Variants in HERC4 observed in about 807,000 individuals in gnomAD.
HERC4 encodes probable E3 ubiquitin-protein ligase HERC4.
In HERC4, 28 loss-of-function variants were observed where a neutral mutation model predicts 124.3. The ratio of observed to expected loss-of-function variants is 0.23; its 90% CI spans 0.17 to 0.31. The LOEUF (loss-of-function observed/expected upper bound fraction) is 0.31. Ranked by LOEUF, HERC4 falls within the 10% of genes least tolerant of loss-of-function variation. The pLI is 1.00. For missense variants in HERC4, 713 were observed against 1,229.3 expected, an observed-to-expected ratio of 0.58 and a Z score of 6.28; for synonymous variants, 407 against 421.5, an observed-to-expected ratio of 0.97 and a Z score of 0.42.
intron 9 of HERC4, chr10:68,010,837 T>C: frequency 6.5e-7 from 1 of 1,532,848 alleles, no homozygotes; most frequent in Non-Finnish European, 9.0e-7. Context: ...GCTTGGCAAA[T>C]TGCTCAAGTT....
intron 3 of HERC4, among the ~76,000 whole-genome samples, chr10:68,058,530 T>C (rs2040669409): frequency 6.6e-6 from 1 of 152,200 alleles, no homozygotes; most frequent in African/African-American, 2.4e-5. Context: ...GTTTTTCTTC[T>C]AGGCAAACAC....
In HERC4 at chr10:68,032,879, C is replaced by G; in HGVS notation, c.686-10G>C. Reference sequence around the variant, plus strand: ...TTAGGAACATACCTATCTGAAAATTCCAACAAGAGATGTTAATAGTATTTT... The same window carrying G: ...TTAGGAACATACCTATCTGAAAATTGCAACAAGAGATGTTAATAGTATTTT... On this transcript the variant is annotated splice_polypyrimidine_tract_variant and intron_variant, in intron 6 of 24. Transcript: ENST00000373700. The G allele has an allele frequency of 7.6e-7, 1 of 1,316,386 alleles. No homozygotes were observed. Among genetic ancestry groups the G allele is most frequent in the Non-Finnish European group, 1.1e-6 (1 of 909,016 alleles). The allele number at this position is 1,316,386 out of a possible 1,614,324, so 81.5% of individuals were successfully genotyped here.
chr10:68,059,633 A>ATTATATATC lies in HERC4; in HGVS notation c.226+13249_226+13250insGATATATAA, dbSNP rs1564608145. On this transcript the variant is annotated intron_variant, in intron 3 of 24. Coordinates refer to ENST00000373700, the MANE Select transcript of HERC4 (RefSeq NM_015601.4). ...TATATATCATAATATTATATATCATAATATTATATATTATATTATATATCA... is the reference window on the plus strand; with the variant it reads ...TATATATCATAATATTATATATCATATTATATATCATATTATATATTATATTATATATCA... Among the ~76,000 whole-genome samples, 9 of 83,866 alleles carry ATTATATATC rather than the reference A, an allele frequency of 1.1e-4. 1 individual carries two copies. The highest frequency in any genetic ancestry group is 5.6e-4 in the African/African-American group (8 of 14,402). 55.0% of individuals were successfully genotyped at this position (83,866 alleles called of 152,430 possible).
At chr10:68,069,372 G>A (rs913796346) in intron 3 of HERC4, 2 of 984,902 alleles carry the variant, frequency 2.0e-6, no homozygotes, top group Non-Finnish European at 2.4e-6. Context: ...TCACTTCTCT[G>A]GAAATAATTC....
rs1158241379 is a variant in HERC4, at chr10:67,936,288, AATCT to A, written c.2572-57_2572-54del. 4 of 1,025,068 alleles carry A rather than the reference AATCT, an allele frequency of 3.9e-6. No individual in the cohort carries two copies. In the East Asian group the frequency reaches 7.6e-5, roughly 19 times the overall value. The allele number at this position is 1,025,068 out of a possible 1,614,324, so 63.5% of individuals were successfully genotyped here. A position where few individuals can be genotyped will look rare whatever the true frequency, so the allele number is the denominator to read the frequency against. On this transcript the variant is annotated intron_variant, in intron 21 of 24. Transcript: ENST00000373700. ...CAATGTCAGACTCAAAACTTATAATAATCTATTATTATATTCTACCTTTCTCTCA... is the reference window on the plus strand; with the variant it reads ...CAATGTCAGACTCAAAACTTATAATAATTATTATATTCTACCTTTCTCTCA...
chr10:67,992,568 T>C, intron 10 of HERC4, 38 bp downstream of exon 10: 1 of 1,221,528 alleles, frequency 8.2e-7, no homozygotes, highest in Non-Finnish European at 1.2e-6. Context: ...GTCAAAATTA[T>C]TGGAGCTATT....
At chr10:67,999,644 G>C (rs986206785) in intron 9 of HERC4, among the ~76,000 whole-genome samples, 1 of 152,098 alleles carries the variant, frequency 6.6e-6, no homozygotes, top group African/African-American at 2.4e-5. Context: ...GCTAACCCAA[G>C]GTCCAGCAGA....
intron 16 of HERC4, among the ~76,000 whole-genome samples, chr10:67,957,871 G>A (rs992204019): frequency 5.9e-5 from 9 of 152,032 alleles, no homozygotes; most frequent in Non-Finnish European, 1.5e-5. Flanking sequence ...GCAATGGTGC[G>A]ATCTAGGCTC....
chr10:67,923,881 G>T (rs2030544096), intron 24 of HERC4, among the ~76,000 whole-genome samples: 1 of 151,828 alleles, frequency 6.6e-6, no homozygotes, highest in Non-Finnish European at 1.5e-5. Flanking sequence ...AAATGTCACC[G>T]ATTTGGACAC....
In HERC4 at chr10:67,967,224, T is replaced by C. The variant is rs559985255; in HGVS notation, c.1807-422A>G. Reference sequence around the variant, plus strand: ...ATTTTCTTAGCTATTTTTTTCTTCCTACAAAAAATAATTACTGAGTGCCTA... The same window carrying C: ...ATTTTCTTAGCTATTTTTTTCTTCCCACAAAAAATAATTACTGAGTGCCTA... On this transcript the variant is annotated intron_variant, in intron 15 of 24. Transcript: ENST00000373700. 2.0e-5 allele frequency among the ~76,000 whole-genome samples: 3 copies of C among 152,310 alleles called. No individual in the cohort carries two copies. In the South Asian group the frequency reaches 6.2e-4, roughly 32 times the overall value.
intron 24 of HERC4, among the ~76,000 whole-genome samples, chr10:67,923,597 T>A (rs1482514891): frequency 6.6e-6 from 1 of 152,110 alleles, no homozygotes; most frequent in Non-Finnish European, 1.5e-5. Context: ...TCTTGCTCAG[T>A]TGCCCAGGCT....
chr10:68,046,699 G>A (rs2040027890), intron 3 of HERC4, among the ~76,000 whole-genome samples: 1 of 152,252 alleles, frequency 6.6e-6, no homozygotes, highest in African/African-American at 2.4e-5. Context: ...AGGCGAGGTA[G>A]CTCACATCTA....
Position 68,022,078 on chromosome 10 carries a change from G to A in HERC4, c.908+3468C>T, listed in dbSNP as rs192589630. Reference sequence around the variant, plus strand: ...TAAAATTCTTAGGAATTAACAAGAAGGCAAAAGATTTGTAAAATAAAACTA... The same window carrying A: ...TAAAATTCTTAGGAATTAACAAGAAAGCAAAAGATTTGTAAAATAAAACTA... On this transcript the variant is annotated intron_variant, in intron 8 of 24. Transcript: ENST00000373700. Among the ~76,000 whole-genome samples, 3 of 152,020 alleles carry A rather than the reference G, an allele frequency of 2.0e-5. No homozygotes were observed. In the East Asian group the frequency reaches 5.8e-4, roughly 29 times the overall value.
chr10:68,015,142 C>T (rs770480902), intron 8 of HERC4, among the ~76,000 whole-genome samples: 4 of 151,698 alleles, frequency 2.6e-5, no homozygotes, highest in Non-Finnish European at 5.9e-5. Context: ...GTCTCAGTTC[C>T]GAGCCTTTGC....
At chr10:67,957,267 G>A (rs144835286) in intron 16 of HERC4, among the ~76,000 whole-genome samples, 69 of 152,272 alleles carry the variant, frequency 4.5e-4, no homozygotes, top group Non-Finnish European at 5.0e-4. Context: ...GAATGAGGTT[G>A]CAAATTTGTT....
At position 67,939,182 on chromosome 10, in the gene HERC4, T is replaced by C. The variant is rs529520459; in HGVS notation, c.2571+406A>G. Among the ~76,000 whole-genome samples the C allele has an allele frequency of 2.6e-3, 394 of 152,338 alleles. 1 individual carries two copies. Among genetic ancestry groups the C allele is most frequent in the African/African-American group, 9.2e-3 (381 of 41,574 alleles). On this transcript the variant is annotated intron_variant, in intron 21 of 24. Coordinates refer to ENST00000373700, the MANE Select transcript of HERC4 (RefSeq NM_015601.4). ...TTTAAGTTTAGTAGTAATATTCTCA[T>C]ATTACAATAACCTTTTGCTTCTCTA...
chr10:67,935,741 G>A (rs1388288415), intron 22 of HERC4, among the ~76,000 whole-genome samples: 5 of 152,174 alleles, frequency 3.3e-5, no homozygotes, highest in Non-Finnish European at 7.3e-5. Context: ...GTTAGCATGG[G>A]AAACTAGTTT....
At chr10:67,924,848 A>G (rs2030700478) in intron 24 of HERC4, among the ~76,000 whole-genome samples, 1 of 152,212 alleles carries the variant, frequency 6.6e-6, no homozygotes, top group Non-Finnish European at 1.5e-5. Flanking sequence ...TTGTAACTAT[A>G]ACATAGCTAT....
intron 19 of HERC4, among the ~76,000 whole-genome samples, chr10:67,942,514 T>C (rs1304118777): frequency 6.6e-6 from 1 of 152,110 alleles, no homozygotes; most frequent in Non-Finnish European, 1.5e-5. Flanking sequence ...CCAGTTTGTT[T>C]GTTTGTTTGT....
Sources: allele counts gnomAD v4.1 joint callset (sites outside exome capture counted in the v4.1 genomes callset), GRCh38; gene constraint gnomAD v4.1.1; transcripts MANE v1.5; gene names NCBI Gene and HGNC (gene_info 2026-07-23, HGNC 2026-07-21).